Variants in FOXK1 observed in about 807,000 individuals in gnomAD.
FOXK1 encodes the protein forkhead box protein K1.
Under a neutral mutation model 51.9 loss-of-function variants are expected in FOXK1, and 19 were observed. The observed-to-expected ratio is 0.37, with a 90% CI of 0.26 to 0.54. The LOEUF is 0.54. FOXK1 is among the 20% of genes least tolerant of loss of function. The probability of loss-of-function intolerance (pLI) is 0.87; values close to 1 mark genes in which losing one functional copy is unlikely to be tolerated. For missense variants in FOXK1, 870 were observed against 1,032.7 expected, an observed-to-expected ratio of 0.84 and a Z score of 2.16; for synonymous variants, 537 against 482.6, an observed-to-expected ratio of 1.11 and a Z score of -1.48.
rs536948525 is a variant in FOXK1, at chr7:4,769,942, G to A, written c.*7478G>A. ...AAGAGTGCAGGAAAGCTGGGGCCAGGGGAAGCGAAGTGGCTTCAATCCGGG... is the reference window on the plus strand; with the variant it reads ...AAGAGTGCAGGAAAGCTGGGGCCAGAGGAAGCGAAGTGGCTTCAATCCGGG... On this transcript the variant is annotated 3_prime_UTR_variant, in exon 9 of 9. Coordinates refer to ENST00000328914, the MANE Select transcript of FOXK1 (RefSeq NM_001037165.2). The surrounding 1 kb of genome is among the most constrained non-coding windows in gnomAD (Gnocchi z 4.1). 1.3e-5 allele frequency: 2 copies of A among 152,296 alleles called. No individual in the cohort carries two copies. Among genetic ancestry groups the A allele is most frequent in the South Asian group, 4.1e-4 (2 of 4,826 alleles). 9.4% of individuals were successfully genotyped at this position (152,296 alleles called of 1,614,324 possible). A position where few individuals can be genotyped will look rare whatever the true frequency, so the allele number is the denominator to read the frequency against.
intron 7 of FOXK1, chr7:4,759,859 C>G: frequency 1.8e-6 from 1 of 555,738 alleles, no homozygotes; most frequent in African/African-American, 1.9e-5. Flanking sequence ...ACTGAAACCC[C>G]GTCTCTACTG....
chr7:4,705,554 T>TCTCTCTCTCTCTCGCTCTCG (rs895937029), intron 1 of FOXK1, among the ~76,000 whole-genome samples: 8 of 131,514 alleles, frequency 6.1e-5, no homozygotes, highest in African/African-American at 2.5e-4. Context: ...TCTCTCTCTC[T>TCTCTCTCTCTCTCGCTCTCG]CTCTCGCTCT....
Position 4,753,291 on chromosome 7 carries a change from T to C in FOXK1, c.747-1168T>C, listed in dbSNP as rs1028927967. ...CCCCGCCTGCACCCAAGGGGGCTCC[T>C]ACTTAACCTAAGTTTTGGAGATCTA... On this transcript the variant is annotated intron_variant, in intron 2 of 8. Transcript: ENST00000328914. The surrounding 1 kb of genome is among the most constrained non-coding windows in gnomAD (Gnocchi z 4.9). Among the ~76,000 whole-genome samples, 4 of 152,196 alleles carry C rather than the reference T, an allele frequency of 2.6e-5. No homozygotes were observed. The highest frequency in any genetic ancestry group is 5.9e-5 in the Non-Finnish European group (4 of 68,022).
rs143045250 is a variant in FOXK1, at chr7:4,684,765, C to G, written c.560+1897C>G. Reference sequence around the variant, plus strand: ...TTGTTTTCAGGTTTCCTGCCCCTGCCGTGGAAACAGGTGCACTCCTGAGTC... The same window carrying G: ...TTGTTTTCAGGTTTCCTGCCCCTGCGGTGGAAACAGGTGCACTCCTGAGTC... On this transcript the variant is annotated intron_variant, in intron 1 of 8. Coordinates refer to ENST00000328914, the MANE Select transcript of FOXK1 (RefSeq NM_001037165.2). Among the ~76,000 whole-genome samples, 233 of 152,258 alleles carry G rather than the reference C, an allele frequency of 1.5e-3. 1 individual carries two copies. Among genetic ancestry groups the G allele is most frequent in the African/African-American group, 5.1e-3 (214 of 41,560 alleles).
intron 1 of FOXK1, among the ~76,000 whole-genome samples, chr7:4,690,833 A>C (rs1437481467): frequency 6.6e-6 from 1 of 152,192 alleles, no homozygotes; most frequent in Admixed American, 6.5e-5. Context: ...CATCTTGTGA[A>C]TGTCAGAGGA....
chr7:4,762,080 C>G lies in FOXK1; in HGVS notation c.1922-104C>G. 1 of 1,366,108 alleles carries G rather than the reference C, an allele frequency of 7.3e-7. No homozygotes were observed. The highest frequency in any genetic ancestry group is 9.9e-7 in the Non-Finnish European group (1 of 1,010,954). The allele number at this position is 1,366,108 out of a possible 1,614,324, so 84.6% of individuals were successfully genotyped here. A position where few individuals can be genotyped will look rare whatever the true frequency, so the allele number is the denominator to read the frequency against. On this transcript the variant is annotated intron_variant, in intron 8 of 8. Transcript: ENST00000328914. This position sits in a 1 kb window ranked among gnomAD's most constrained non-coding sequence, Gnocchi z 5.7. ...GTCCTGCCTGGCAGGGGTGCACTGA[C>G]CTCCGGTTCCGGCTTGGTGGCTTAG... is the stretch of plus-strand genomic sequence containing the variant.
At chr7:4,739,405 T>C (rs1487478870) in intron 1 of FOXK1, among the ~76,000 whole-genome samples, 2 of 151,720 alleles carry the variant, frequency 1.3e-5, no homozygotes, top group Non-Finnish European at 2.9e-5. Flanking sequence ...ACATTGTTTT[T>C]GTTTTTGTTT....
At position 4,683,059 on chromosome 7, in the gene FOXK1, A is replaced by C. The variant is rs183067075; in HGVS notation, c.560+191A>C. On this transcript the variant is annotated intron_variant, in intron 1 of 8. Coordinates refer to ENST00000328914, the MANE Select transcript of FOXK1 (RefSeq NM_001037165.2). The surrounding 1 kb of genome is among the most constrained non-coding windows in gnomAD (Gnocchi z 4.5). Reference sequence around the variant, plus strand: ...GACCCCCGCCTCCTGGCTCCCTAGGATCACCCCGACCCCGATCCTGGAGGC... The same window carrying C: ...GACCCCCGCCTCCTGGCTCCCTAGGCTCACCCCGACCCCGATCCTGGAGGC... Among the ~76,000 whole-genome samples the C allele has an allele frequency of 1.7e-5, 2 of 115,654 alleles. No individual in the cohort carries two copies. Among genetic ancestry groups the C allele is most frequent in the Non-Finnish European group, 3.5e-5 (2 of 56,990 alleles). The allele number at this position is 115,654 out of a possible 152,430, so 75.9% of individuals were successfully genotyped here.
At position 4,722,056 on chromosome 7, in the gene FOXK1, C is replaced by T. The variant is rs1400717996; in HGVS notation, c.561-18782C>T. On this transcript the variant is annotated intron_variant, in intron 1 of 8. Transcript: ENST00000328914. The surrounding 1 kb of genome is among the most constrained non-coding windows in gnomAD (Gnocchi z 5.1). ...GTGACCCCGCTGCATCCCATACCCTCCACCCATCCCAGCAGCCTCATGCCT... is the reference window on the plus strand; with the variant it reads ...GTGACCCCGCTGCATCCCATACCCTTCACCCATCCCAGCAGCCTCATGCCT... 6.6e-6 allele frequency among the ~76,000 whole-genome samples: 1 copy of T among 152,222 alleles called. No individual in the cohort carries two copies. Among genetic ancestry groups the T allele is most frequent in the African/African-American group, 2.4e-5 (1 of 41,456 alleles).
rs1357033275 is a variant in FOXK1 at position 4,740,892 on chromosome 7, T to C, written c.615T>C (p.Tyr205=). 6.3e-7 allele frequency: 1 copy of C among 1,594,556 alleles called. No individual in the cohort carries two copies. Among genetic ancestry groups the C allele is most frequent in the East Asian group, 2.4e-5 (1 of 42,338 alleles). ...TCAAGATCCAGTTCACGTCGCTCTA[T>C]CACAAAGAAGAGGCCCCAGCCTCCC... is the stretch of plus-strand genomic sequence containing the variant. ...TAIKIQFTSL[Y]HKEEAPASPL... The change falls in exon 2 of 9, where the codon TAT becomes TAC. Residue 205 remains tyrosine (Y), a synonymous_variant. Transcript: ENST00000328914.
chr7:4,718,123 G>A (rs1780260943), intron 1 of FOXK1, among the ~76,000 whole-genome samples: 1 of 152,184 alleles, frequency 6.6e-6, no homozygotes, highest in Admixed American at 6.5e-5. Context: ...GATTCACAAG[G>A]AGCAGCAGAC....
chr7:4,694,242 G>T (rs1021198307), intron 1 of FOXK1, among the ~76,000 whole-genome samples: 1 of 151,336 alleles, frequency 6.6e-6, no homozygotes, highest in Non-Finnish European at 1.5e-5. Flanking sequence ...ACTTTTCTAG[G>T]TTTTTTTTTG....
In FOXK1 at chr7:4,770,905, T is replaced by TGTGTGTA. The variant is rs1365272009; in HGVS notation, c.*8441_*8442insGTGTGTA. ...TGTGTGTGTGTGTGTGTGTGTGTATTTTTTTTTTTACAGTGGCGCCTGTCT... is the reference window on the plus strand; with the variant it reads ...TGTGTGTGTGTGTGTGTGTGTGTATTGTGTGTATTTTTTTTTACAGTGGCGCCTGTCT... On this transcript the variant is annotated 3_prime_UTR_variant, in exon 9 of 9. Coordinates refer to ENST00000328914, the MANE Select transcript of FOXK1 (RefSeq NM_001037165.2). 1 of 141,164 alleles carries TGTGTGTA rather than the reference T, an allele frequency of 7.1e-6. No homozygotes were observed. The highest frequency in any genetic ancestry group is 1.5e-5 in the Non-Finnish European group (1 of 66,014). The allele number at this position is 141,164 out of a possible 1,614,324, so 8.7% of individuals were successfully genotyped here. A position where few individuals can be genotyped will look rare whatever the true frequency, so the allele number is the denominator to read the frequency against.
In FOXK1 at chr7:4,683,196, G is replaced by T. The variant is rs1292102237; in HGVS notation, c.560+328G>T. Among the ~76,000 whole-genome samples the T allele has an allele frequency of 6.6e-6, 1 of 151,086 alleles. No individual in the cohort carries two copies. The highest frequency in any genetic ancestry group is 1.5e-5 in the Non-Finnish European group (1 of 67,698). ...TGACCCACACCTTGCGGCTCCTGGGGTCACCCCTGACCTCATCTCCCACCG... is the reference window on the plus strand; with the variant it reads ...TGACCCACACCTTGCGGCTCCTGGGTTCACCCCTGACCTCATCTCCCACCG... On this transcript the variant is annotated intron_variant, in intron 1 of 8. Transcript: ENST00000328914. The surrounding 1 kb of genome is among the most constrained non-coding windows in gnomAD (Gnocchi z 4.5).
rs1185114836 is a variant in FOXK1, at chr7:4,755,520, G to A, written c.1050+137G>A. On this transcript the variant is annotated intron_variant, in intron 4 of 8. Transcript: ENST00000328914. The surrounding 1 kb of genome is among the most constrained non-coding windows in gnomAD (Gnocchi z 6.6). ...TGGAACCCTAGCATTTTGTGAGGCC[G>A]AGGCAGGAGGAGGATCAAGACCAGC... 8.6e-6 allele frequency: 10 copies of A among 1,163,722 alleles called. No individual in the cohort carries two copies. The highest frequency in any genetic ancestry group is 2.6e-5 in the Admixed American group (1 of 37,978). The allele number at this position is 1,163,722 out of a possible 1,614,324, so 72.1% of individuals were successfully genotyped here. A position where few individuals can be genotyped will look rare whatever the true frequency, so the allele number is the denominator to read the frequency against.
rs1432550305 is a variant in FOXK1 at position 4,715,920 on chromosome 7, T to C, written c.561-24918T>C. On this transcript the variant is annotated intron_variant, in intron 1 of 8. Coordinates refer to ENST00000328914, the MANE Select transcript of FOXK1 (RefSeq NM_001037165.2). The surrounding 1 kb of genome is among the most constrained non-coding windows in gnomAD (Gnocchi z 4.5). ...ACATTGGCCACCAATATCTGCTGTCTGTGCTTAAAGGATCAAAAATGCAGA... is the reference window on the plus strand; with the variant it reads ...ACATTGGCCACCAATATCTGCTGTCCGTGCTTAAAGGATCAAAAATGCAGA... Among the ~76,000 whole-genome samples the C allele has an allele frequency of 1.3e-5, 2 of 152,228 alleles. No individual in the cohort carries two copies. The highest frequency in any genetic ancestry group is 2.4e-5 in the African/African-American group (1 of 41,444).
chr7:4,684,042 C>T (rs1464963189), intron 1 of FOXK1, among the ~76,000 whole-genome samples: 4 of 152,268 alleles, frequency 2.6e-5, no homozygotes, highest in African/African-American at 7.2e-5. Flanking sequence ...CTGTCGGTGC[C>T]TTTGGTAGCA....
At chr7:4,706,449 T>A (rs1176115172) in intron 1 of FOXK1, among the ~76,000 whole-genome samples, 5 of 152,150 alleles carry the variant, frequency 3.3e-5, no homozygotes, top group African/African-American at 1.2e-4. Flanking sequence ...AATGCAGGCC[T>A]CTGGCCCTAG....
At chr7:4,724,517 T>C (rs1460737692) in intron 1 of FOXK1, among the ~76,000 whole-genome samples, 1 of 152,146 alleles carries the variant, frequency 6.6e-6, no homozygotes, top group East Asian at 1.9e-4. Flanking sequence ...TTTTCTTTGG[T>C]TGGGGAGCTC....
Sources: gnomAD v4.1 joint callset for allele counts (sites outside exome capture counted in the v4.1 genomes callset) on GRCh38, gnomAD v4.1.1 for gene constraint, Gnocchi (gnomAD v3.1) non-coding constraint, MANE v1.5 for transcripts, NCBI Gene and HGNC (gene_info 2026-07-23, HGNC 2026-07-21) for gene names.